MTUS1: variants seen among roughly 807,000 people sequenced by gnomAD.
MTUS1 encodes the protein microtubule-associated tumor suppressor 1.
A neutral mutation model predicts 120.8 loss-of-function variants in MTUS1; 109 were observed. That is an observed-to-expected ratio of 0.90 (90% CI 0.77 to 1.06). The LOEUF is 1.06. MTUS1 is among the 50% of genes least tolerant of loss of function. The pLI is 0.00. For synonymous variants in MTUS1, 737 were observed against 550.5 expected (o/e 1.34, Z -4.74); for missense variants, 2,210 against 1,486.3 (o/e 1.49, Z -8.01).
Position 17,755,749 on chromosome 8 carries a change from C to T in MTUS1, c.59G>A (p.Ser20Asn). 6.2e-7 allele frequency: 1 copy of T among 1,613,386 alleles called. No homozygotes were observed. Among genetic ancestry groups the T allele is most frequent in the East Asian group, 2.2e-5 (1 of 44,874 alleles). Reference sequence around the variant, plus strand: ...TGCATGTGTATTTCCATCTTTATCACTGGTAAAGAAGGTTTGCAATTCATC... The same window carrying T: ...TGCATGTGTATTTCCATCTTTATCATTGGTAAAGAAGGTTTGCAATTCATC... The part of the protein sequence containing the change: ...IEDELQTFFT[S>N]DKDGNTHAYN... The change falls in exon 2 of 15, where the codon AGT becomes AAT. Residue 20 changes from serine to asparagine, a missense_variant. Transcript: ENST00000693296.
chr8:17,759,414 C>A (rs1384397173), intron 1 of MTUS1, among the ~76,000 whole-genome samples: 1 of 151,418 alleles, frequency 6.6e-6, no homozygotes, highest in Non-Finnish European at 1.5e-5. Context: ...CAGGTATGTG[C>A]CAGCATGCCC....
intron 1 of MTUS1, among the ~76,000 whole-genome samples, chr8:17,792,274 T>C (rs1586438080): frequency 1.3e-5 from 2 of 152,278 alleles, no homozygotes; most frequent in Admixed American, 1.3e-4. Flanking sequence ...CACTGAAGGA[T>C]GGAGGGCTAA....
chr8:17,652,824 A>C (rs1428302409), intron 12 of MTUS1, among the ~76,000 whole-genome samples: 1 of 149,494 alleles, frequency 6.7e-6, no homozygotes, highest in Non-Finnish European at 1.5e-5. Flanking sequence ...TGACAGAGTG[A>C]GACTCCCTCT....
chr8:17,662,413 T>C (rs926226080), intron 8 of MTUS1, among the ~76,000 whole-genome samples: 17 of 144,464 alleles, frequency 1.2e-4, no homozygotes, highest in Non-Finnish European at 1.2e-4. Flanking sequence ...TAGAATGCAG[T>C]GGCACGATCT....
intron 1 of MTUS1, among the ~76,000 whole-genome samples, chr8:17,785,013 G>A (rs1050383135): frequency 6.6e-6 from 1 of 151,868 alleles, no homozygotes; most frequent in East Asian, 2.0e-4. Context: ...TTGAACTCCT[G>A]GCCTCAAGTG....
intron 12 of MTUS1, among the ~76,000 whole-genome samples, chr8:17,652,074 C>T (rs946078626): frequency 6.6e-6 from 1 of 152,138 alleles, no homozygotes; most frequent in African/African-American, 2.4e-5. Context: ...TAGAGCTGGC[C>T]AGAGATTTGA....
chr8:17,683,666 C>T (rs1014950551), intron 7 of MTUS1, among the ~76,000 whole-genome samples: 1 of 152,002 alleles, frequency 6.6e-6, no homozygotes, highest in African/African-American at 2.4e-5. Flanking sequence ...GTCTGAAGAG[C>T]TCAAGTTGTA....
chr8:17,676,103 AC>A, intron 7 of MTUS1: 1 of 596,466 alleles, frequency 1.7e-6, no homozygotes, highest in Non-Finnish European at 3.0e-6. Context: ...CACGAGGATC[AC>A]CCAAGACGGA....
chr8:17,665,054 C>T (rs1306923681), intron 8 of MTUS1, among the ~76,000 whole-genome samples: 1 of 152,180 alleles, frequency 6.6e-6, no homozygotes, highest in Non-Finnish European at 1.5e-5. Flanking sequence ...TAAAGTGAAA[C>T]AGAGTTACTC....
intron 4 of MTUS1, among the ~76,000 whole-genome samples, chr8:17,718,818 A>T (rs548078068): frequency 5.3e-5 from 8 of 151,724 alleles, no homozygotes; most frequent in Admixed American, 3.3e-4. Context: ...TCTAAAAGGA[A>T]AAACTAAGGG....
intron 6 of MTUS1, among the ~76,000 whole-genome samples, chr8:17,689,786 G>T (rs187508351): frequency 6.6e-6 from 1 of 152,022 alleles, no homozygotes; most frequent in East Asian, 1.9e-4. Flanking sequence ...CATACAATGG[G>T]GAAAGGACAC....
rs369235983 is a variant in MTUS1 at position 17,723,725 on chromosome 8, C to T, written c.2396G>A (p.Ser799Asn). 3.4e-5 allele frequency: 54 copies of T among 1,610,826 alleles called. 3 individuals are homozygous for T. The highest frequency in any genetic ancestry group is 5.5e-5 in the South Asian group (5 of 90,974). The change falls in exon 4 of 15, where the codon AGC (serine) becomes AAC (asparagine). Residue 799 changes from serine to asparagine, a missense_variant. Transcript: ENST00000693296. ...LKSPALRRTG[S>N]TPSIASTHSE... ...GTGGGTGCTGGCTATTGAGGGGGTG[C>T]TTCCTGTCCTCCGCAGCGCAGGACT...
chr8:17,671,157 G>T (rs139458337), intron 8 of MTUS1, among the ~76,000 whole-genome samples: 3 of 151,878 alleles, frequency 2.0e-5, no homozygotes, highest in African/African-American at 7.3e-5. Flanking sequence ...GTAGTATGAA[G>T]TTGTATATAT....
intron 12 of MTUS1, among the ~76,000 whole-genome samples, chr8:17,652,200 G>A (rs1478656577): frequency 1.3e-5 from 2 of 152,216 alleles, no homozygotes; most frequent in African/African-American, 2.4e-5. Flanking sequence ...AAAGGTTGGG[G>A]TAAGGCTGGG....
At chr8:17,762,867 T>A (rs567847723) in intron 1 of MTUS1, among the ~76,000 whole-genome samples, 1 of 152,170 alleles carries the variant, frequency 6.6e-6, no homozygotes, top group Non-Finnish European at 1.5e-5. Context: ...GTGATACCAA[T>A]CCTTTTGGTC....
chr8:17,762,036 T>C (rs1387314478), intron 1 of MTUS1, among the ~76,000 whole-genome samples: 1 of 152,148 alleles, frequency 6.6e-6, no homozygotes, highest in African/African-American at 2.4e-5. Context: ...TACCAAGACT[T>C]TGGGAAGCCG....
chr8:17,700,857 C>T (rs1305890754), intron 6 of MTUS1, among the ~76,000 whole-genome samples: 1 of 152,034 alleles, frequency 6.6e-6, no homozygotes, highest in Non-Finnish European at 1.5e-5. Flanking sequence ...GAGGATGATA[C>T]AGAATGTTTC....
chr8:17,777,548 A>G (rs7387932), intron 1 of MTUS1, among the ~76,000 whole-genome samples: 145,924 of 152,202 alleles, frequency 0.96, 70,147 homozygotes, highest in Non-Finnish European at 1. Context: ...CACACACCCA[A>G]AAGCAGAGAA....
At chr8:17,786,563 C>CT (rs1189060467) in intron 1 of MTUS1, among the ~76,000 whole-genome samples, 1 of 66,652 alleles carries the variant, frequency 1.5e-5, no homozygotes, top group Non-Finnish European at 5.2e-5. Context: ...CCAAAAAACA[C>CT]TGAGTTATCT....
Sources: allele counts gnomAD v4.1 joint callset (sites outside exome capture counted in the v4.1 genomes callset), GRCh38; gene constraint gnomAD v4.1.1; transcripts MANE v1.5; gene names NCBI Gene and HGNC (gene_info 2026-07-23, HGNC 2026-07-21).